Variants in CTNNA2 observed in about 807,000 individuals in gnomAD.
CTNNA2 encodes the protein catenin alpha-2.
CTNNA2 carries 42 observed loss-of-function variants against 101.0 expected under a neutral mutation model. That is an observed-to-expected ratio of 0.42 (90% CI 0.32 to 0.54). The LOEUF (loss-of-function observed/expected upper bound fraction) is 0.54, where lower values mean the gene tolerates loss of function less well. Ranked by LOEUF, CTNNA2 falls within the 20% of genes least tolerant of loss-of-function variation. CTNNA2 has a pLI of 0.14. For synonymous variants in CTNNA2, 450 were observed against 456.4 expected, an observed-to-expected ratio of 0.99 and a Z score of 0.18; for missense variants, 871 against 1,223.1, an observed-to-expected ratio of 0.71 and a Z score of 4.29.
chr2:79,319,047 A>C (rs1268668132), intron 3 of CTNNA2, among the ~76,000 whole-genome samples: 1 of 152,256 alleles, frequency 6.6e-6, no homozygotes, highest in Admixed American at 6.5e-5. Flanking sequence ...GACTCTATTC[A>C]GTAAACATAA....
chr2:80,331,720 C>T (rs1006474509), intron 7 of CTNNA2, among the ~76,000 whole-genome samples: 5 of 152,120 alleles, frequency 3.3e-5, no homozygotes. Context: ...GATCTCCACC[C>T]GATGACAGAT....
intron 7 of CTNNA2, among the ~76,000 whole-genome samples, chr2:80,357,968 C>T (rs553093664): frequency 6.6e-6 from 1 of 152,194 alleles, no homozygotes; most frequent in South Asian, 2.1e-4. Flanking sequence ...ACACTCAAAG[C>T]TAGATATAAG....
intron 1 of CTNNA2, among the ~76,000 whole-genome samples, chr2:79,548,521 T>C (rs551340555): frequency 6.6e-6 from 1 of 152,340 alleles, no homozygotes; most frequent in African/African-American, 2.4e-5. Context: ...TGGCCAGTTC[T>C]CCACCAGCTA....
chr2:79,411,862 A>G (rs1207518999), intron 4 of CTNNA2, among the ~76,000 whole-genome samples: 2 of 152,146 alleles, frequency 1.3e-5, no homozygotes, highest in African/African-American at 2.4e-5. Context: ...ACCAGCTAAC[A>G]TCATAATGAC....
intron 7 of CTNNA2, among the ~76,000 whole-genome samples, chr2:80,218,427 A>G (rs1313367930): frequency 6.6e-6 from 1 of 152,230 alleles, no homozygotes; most frequent in Non-Finnish European, 1.5e-5. Flanking sequence ...AGACAAACCT[A>G]TATTTAAAGG....
At chr2:80,441,595 T>C (rs1399892582) in intron 9 of CTNNA2, among the ~76,000 whole-genome samples, 1 of 152,214 alleles carries the variant, frequency 6.6e-6, no homozygotes, top group African/African-American at 2.4e-5. Flanking sequence ...AACACCATTG[T>C]TTTTTGATCT....
intron 9 of CTNNA2, among the ~76,000 whole-genome samples, chr2:80,493,191 A>G (rs977553404): frequency 6.6e-6 from 1 of 152,188 alleles, no homozygotes; most frequent in African/African-American, 2.4e-5. Context: ...GGGCTAAATT[A>G]GTGTGAATCT....
chr2:80,386,375 G>A (rs1365935001), intron 7 of CTNNA2, among the ~76,000 whole-genome samples: 1 of 152,136 alleles, frequency 6.6e-6, no homozygotes, highest in East Asian at 1.9e-4. Flanking sequence ...TCCTTAGCTA[G>A]TGAAAAGGTA....
At chr2:79,578,584 T>C (rs544280374) in intron 1 of CTNNA2, among the ~76,000 whole-genome samples, 77 of 152,174 alleles carry the variant, frequency 5.1e-4, no homozygotes, top group Non-Finnish European at 9.8e-4. Context: ...GATCTGATTA[T>C]TTTTTATTGT....
At chr2:79,810,431 C>T (rs1169630566) in intron 3 of CTNNA2, among the ~76,000 whole-genome samples, 3 of 152,028 alleles carry the variant, frequency 2.0e-5, no homozygotes, top group Non-Finnish European at 4.4e-5. Context: ...CTGGGTCCCT[C>T]CCACAACATG....
At chr2:80,237,439 T>C (rs964984304) in intron 7 of CTNNA2, among the ~76,000 whole-genome samples, 2 of 152,172 alleles carry the variant, frequency 1.3e-5, no homozygotes, top group East Asian at 1.9e-4. Flanking sequence ...ATGTGTCTCA[T>C]TGTAAGTTGA....
chr2:80,544,044 C>A (rs2149626952), intron 9 of CTNNA2, among the ~76,000 whole-genome samples: 1 of 152,210 alleles, frequency 6.6e-6, no homozygotes, highest in East Asian at 1.9e-4. Context: ...ATCAATCTCA[C>A]CTTGAATTAC....
At chr2:79,832,340 G>A (rs983693285) in intron 3 of CTNNA2, among the ~76,000 whole-genome samples, 1 of 152,112 alleles carries the variant, frequency 6.6e-6, no homozygotes, top group Non-Finnish European at 1.5e-5. Context: ...ATTTTATAAA[G>A]CATTTACTAA....
At position 79,874,968 on chromosome 2, in the gene CTNNA2, T is replaced by C. The variant is rs146736272; in HGVS notation, c.852+626T>C. Among the ~76,000 whole-genome samples the C allele has an allele frequency of 3.8e-3, 580 of 152,326 alleles. 10 individuals carry two copies. In the East Asian group the frequency reaches 0.044, roughly 12 times the overall value. ...GCAGCCTAGATGTACGTTGCCTCTA[T>C]GTTGTGCCTGCGTGAAAAGCTGCCA... On this transcript the variant is annotated intron_variant, in intron 6 of 18. Coordinates refer to ENST00000402739, the MANE Select transcript of CTNNA2 (RefSeq NM_001282597.3).
At chr2:80,486,266 C>A (rs903058394) in intron 9 of CTNNA2, among the ~76,000 whole-genome samples, 1 of 152,030 alleles carries the variant, frequency 6.6e-6, no homozygotes, top group Non-Finnish European at 1.5e-5. Context: ...CATCCTTGTC[C>A]CAGAAAGCTC....
intron 3 of CTNNA2, among the ~76,000 whole-genome samples, chr2:79,363,577 T>A (rs1019745763): frequency 9.6e-5 from 14 of 146,294 alleles, no homozygotes; most frequent in Non-Finnish European, 2.0e-4. Context: ...AAAAAAAAAA[T>A]CTCATCATAT....
intron 2 of CTNNA2, among the ~76,000 whole-genome samples, chr2:79,211,017 A>T (rs952506375): frequency 6.6e-6 from 1 of 152,120 alleles, no homozygotes; most frequent in Non-Finnish European, 1.5e-5. Context: ...CTTCCTGTCT[A>T]CCTGAAACTT....
At chr2:80,458,571 A>T (rs1167872450) in intron 9 of CTNNA2, among the ~76,000 whole-genome samples, 1 of 152,226 alleles carries the variant, frequency 6.6e-6, no homozygotes, top group Non-Finnish European at 1.5e-5. Flanking sequence ...CATTTTGCAA[A>T]CACCTTTCTC....
intron 7 of CTNNA2, chr2:80,305,395 G>A (rs1676834126): frequency 6.1e-6 from 6 of 983,120 alleles, no homozygotes; most frequent in Non-Finnish European, 7.2e-6. Context: ...ATACATATGG[G>A]GTACAGAGTG....
Sources: gnomAD v4.1 joint callset for allele counts (sites outside exome capture counted in the v4.1 genomes callset) on GRCh38, gnomAD v4.1.1 for gene constraint, MANE v1.5 for transcripts, NCBI Gene and HGNC (gene_info 2026-07-23, HGNC 2026-07-21) for gene names.